The following ANO4 variants were observed in gnomAD, a reference collection of about 807,000 sequenced individuals.
ANO4 encodes anoctamin-4.
ANO4 carries 69 observed loss-of-function variants against 141.9 expected under a neutral mutation model. The ratio of observed to expected loss-of-function variants is 0.49; its 90% CI spans 0.40 to 0.59. ANO4 has a LOEUF of 0.59. Ranked by LOEUF, ANO4 falls within the 20% of genes least tolerant of loss-of-function variation. ANO4 has a pLI of 0.00. For missense variants in ANO4, 894 were observed against 1,162.2 expected (o/e 0.77, Z 3.36); for synonymous variants, 350 against 394.3 (o/e 0.89, Z 1.33).
At chr12:101,086,543 G>A (rs1278280327) in intron 16 of ANO4, 117 bp from the exon 17 acceptor site, 2 of 1,067,448 alleles carry the variant, frequency 1.9e-6, no homozygotes, top group Non-Finnish European at 2.8e-6. Flanking sequence ...GTGATCTCTT[G>A]AGCAGTACTG....
intron 9 of ANO4, among the ~76,000 whole-genome samples, chr12:101,031,190 A>G (rs1485236918): frequency 2.6e-5 from 4 of 152,228 alleles, no homozygotes; most frequent in African/African-American, 9.6e-5. Flanking sequence ...TCCTCAATAA[A>G]ATACTGGCAA....
At chr12:100,931,222 G>A (rs1317017229) in intron 3 of ANO4, among the ~76,000 whole-genome samples, 1 of 152,110 alleles carries the variant, frequency 6.6e-6, no homozygotes, top group Non-Finnish European at 1.5e-5. Context: ...AGCCTAAGGT[G>A]TTCAAAGCTG....
At chr12:100,769,001 C>G (rs17479380) in intron 3 of ANO4, among the ~76,000 whole-genome samples, 1 of 152,182 alleles carries the variant, frequency 6.6e-6, no homozygotes, top group Non-Finnish European at 1.5e-5. Context: ...GAAAAACCAT[C>G]TGTTCAGGTA....
At chr12:101,035,575 T>C (rs1476046869) in intron 9 of ANO4, among the ~76,000 whole-genome samples, 1 of 152,188 alleles carries the variant, frequency 6.6e-6, no homozygotes, top group African/African-American at 2.4e-5. Flanking sequence ...TCCCTTCCCA[T>C]TTTATGGATG....
At chr12:101,019,876 A>T (rs1348611463) in intron 8 of ANO4, among the ~76,000 whole-genome samples, 158 bp from the exon 9 acceptor site, 1 of 152,128 alleles carries the variant, frequency 6.6e-6, no homozygotes, top group Admixed American at 6.5e-5. Flanking sequence ...TGAGCCTACT[A>T]TCCTGGTGTG....
intron 3 of ANO4, among the ~76,000 whole-genome samples, chr12:100,744,444 G>A (rs2032013570): frequency 6.6e-6 from 1 of 152,140 alleles, no homozygotes; most frequent in South Asian, 2.1e-4. Flanking sequence ...TACCCTCACA[G>A]GATAGAATGA....
At chr12:100,755,639 T>A (rs867671) in intron 3 of ANO4, among the ~76,000 whole-genome samples, 65,279 of 152,112 alleles carry the variant, frequency 0.43, 15,606 homozygotes, top group East Asian at 0.6. Flanking sequence ...CTGTACTTTG[T>A]TTACGATCAT....
intron 8 of ANO4, among the ~76,000 whole-genome samples, chr12:101,004,285 G>A (rs1311969686): frequency 6.6e-6 from 1 of 152,104 alleles, no homozygotes; most frequent in Non-Finnish European, 1.5e-5. Flanking sequence ...GAACCAAGAT[G>A]CTCAGAGAGG....
chr12:100,785,384 TG>T (rs1202752749), intron 3 of ANO4, among the ~76,000 whole-genome samples: 1 of 152,214 alleles, frequency 6.6e-6, no homozygotes, highest in East Asian at 1.9e-4. Flanking sequence ...AAAAATCTCC[TG>T]TGCTCTGCCT....
chr12:100,893,474 G>A (rs1248484643), intron 1 of ANO4, among the ~76,000 whole-genome samples: 2 of 152,076 alleles, frequency 1.3e-5, no homozygotes, highest in African/African-American at 4.8e-5. Context: ...GCTTGGTCCA[G>A]GTTGCAGATC....
chr12:100,740,557 A>G (rs192528142), intron 3 of ANO4, among the ~76,000 whole-genome samples: 15 of 152,304 alleles, frequency 9.8e-5, no homozygotes, highest in East Asian at 1.9e-4. Flanking sequence ...GTGACAAGAT[A>G]TCTATCTTGG....
intron 1 of ANO4, among the ~76,000 whole-genome samples, chr12:100,814,050 C>G (rs1038360726): frequency 6.6e-6 from 1 of 152,078 alleles, no homozygotes; most frequent in African/African-American, 2.4e-5. Context: ...AACTCCCCTC[C>G]CTGTTCTTAC....
intron 1 of ANO4, among the ~76,000 whole-genome samples, chr12:100,853,615 C>T (rs180885068): frequency 3.5e-4 from 25 of 70,778 alleles, no homozygotes; most frequent in Non-Finnish European, 6.1e-4. Flanking sequence ...CAAAATTTAG[C>T]AGGTTCTTCC....
chr12:101,120,459 AAG>A, intron 25 of ANO4, 59 bp from the exon 26 acceptor site: 1 of 1,405,284 alleles, frequency 7.1e-7, no homozygotes, highest in Non-Finnish European at 1.0e-6. Context: ...ATGAGAATGG[AAG>A]AGATTTGAGA....
chr12:101,094,534 C>T (rs761260589), intron 18 of ANO4, among the ~76,000 whole-genome samples: 33 of 152,132 alleles, frequency 2.2e-4, no homozygotes, highest in Admixed American at 5.9e-4. Context: ...GGTAGATTTT[C>T]TCTTCATGCA....
At chr12:100,976,289 G>A (rs1441056819) in intron 7 of ANO4, among the ~76,000 whole-genome samples, 2 of 152,142 alleles carry the variant, frequency 1.3e-5, no homozygotes, top group African/African-American at 2.4e-5. Flanking sequence ...GTACATTATG[G>A]TGGGTTTACT....
At chr12:100,797,130 G>GTGTA (rs2034376957) in intron 1 of ANO4, among the ~76,000 whole-genome samples, 3 of 149,212 alleles carry the variant, frequency 2.0e-5, no homozygotes, top group African/African-American at 4.9e-5. Context: ...ATATGTGTGT[G>GTGTA]TATATATATA....
chr12:100,930,947 A>G (rs991540064), intron 3 of ANO4, among the ~76,000 whole-genome samples: 1 of 152,176 alleles, frequency 6.6e-6, no homozygotes, highest in African/African-American at 2.4e-5. Context: ...AAAGGGCTGT[A>G]GGGTTCCAGA....
At chr12:100,731,660 C>T (rs1339120126) in intron 1 of ANO4, among the ~76,000 whole-genome samples, 1 of 152,198 alleles carries the variant, frequency 6.6e-6, no homozygotes, top group African/African-American at 2.4e-5. Flanking sequence ...TTCCTTCCCT[C>T]CACTCTGACC....
Sources: allele counts gnomAD v4.1 joint callset (sites outside exome capture counted in the v4.1 genomes callset), GRCh38; gene constraint gnomAD v4.1.1; transcripts MANE v1.5; gene names NCBI Gene and HGNC (gene_info 2026-07-23, HGNC 2026-07-21).